EGFL7: variants seen among roughly 807,000 people sequenced by gnomAD.
EGFL7 encodes EGF like domain multiple 7.
EGFL7 carries 48 observed loss-of-function variants against 37.1 expected under a neutral mutation model. The ratio of observed to expected loss-of-function variants is 1.29; its 90% CI spans 1.03 to 1.65. The LOEUF is 1.65. EGFL7 is among the 40% of genes most tolerant of loss of function. EGFL7 has a pLI of 0.00. For synonymous variants in EGFL7, 180 were observed against 156.8 expected (o/e 1.15, Z -1.10); for missense variants, 384 against 378.9 (o/e 1.01, Z -0.11).
intron 9 of EGFL7, among the ~76,000 whole-genome samples, chr9:136,671,276 G>A (rs1485346030): frequency 2.0e-5 from 2 of 97,894 alleles, no homozygotes; most frequent in Admixed American, 9.9e-5. Flanking sequence ...GAGATGAGGC[G>A]TCGGGGGGGG....
At position 136,669,684 on chromosome 9, in the gene EGFL7, G is replaced by A. The variant is rs1399027904; in HGVS notation, c.276G>A (p.Trp92Ter). ...ARPRYACCPG[W>*]KRTSGLPGAC... Reference sequence around the variant, plus strand: ...CTCGCTACGCGTGCTGCCCCGGCTGGAAGAGGACCAGCGGGCTTCCTGGGG... The same window carrying A: ...CTCGCTACGCGTGCTGCCCCGGCTGAAAGAGGACCAGCGGGCTTCCTGGGG... Residue 92 changes from tryptophan (W) to a stop codon, truncating the protein, a stop_gained, in exon 6 of 11, where the codon TGG becomes TGA. Transcript: ENST00000308874. LOFTEE classifies it high-confidence loss of function. 4 of 1,607,246 alleles carry A rather than the reference G, an allele frequency of 2.5e-6. No individual in the cohort carries two copies. Among genetic ancestry groups the A allele is most frequent in the East Asian group, 2.2e-5 (1 of 44,650 alleles).
chr9:136,668,584 CG>C lies in EGFL7; in HGVS notation c.112del (p.Asp38ThrfsTer159), dbSNP rs2119124849. The C allele has an allele frequency of 6.2e-7, 1 of 1,609,102 alleles. No individual in the cohort carries two copies. ...GRRVCAVRAH[G>X]DPVSESFVQR... The stretch of plus-strand genomic sequence containing the variant: ...GTAGGGTGTGTGCTGTCCGGGCTCA[CG>C]GGGACCCTGTCTCCGAGTCGTTCGT... On this transcript the variant is annotated frameshift_variant, in exon 5 of 11. Transcript: ENST00000308874. LOFTEE classifies it high-confidence loss of function.
In EGFL7 at chr9:136,670,269, T is replaced by G; in HGVS notation, c.510T>G (p.Ser170=). Residue 170 remains serine, a synonymous_variant, in exon 8 of 11, where the codon TCT becomes TCG. Transcript: ENST00000308874. ...AGTGTTGGGAGGGGCACAGCCTGTC[T>G]GCAGACGGTACACTCTGTGTGCCCA... ...WCQCWEGHSL[S]ADGTLCVPKG... is the part of the protein sequence containing the mutation. 6.2e-7 allele frequency: 1 copy of G among 1,612,066 alleles called. No homozygotes were observed. The highest frequency in any genetic ancestry group is 8.5e-7 in the Non-Finnish European group (1 of 1,179,570).
upstream of EGFL7, among the ~76,000 whole-genome samples, chr9:136,661,857 G>A (rs1326433884): frequency 6.6e-6 from 1 of 152,214 alleles, no homozygotes; most frequent in Non-Finnish European, 1.5e-5. Flanking sequence ...CCAGGGAAAT[G>A]GGGGTGTCCC....
rs1325425533 is a variant in EGFL7, at chr9:136,666,331, C to G, written c.-43+1546C>G. 6.6e-6 allele frequency among the ~76,000 whole-genome samples: 1 copy of G among 151,752 alleles called. No homozygotes were observed. The highest frequency in any genetic ancestry group is 1.9e-4 in the East Asian group (1 of 5,146). On this transcript the variant is annotated intron_variant, in intron 3 of 10. Transcript: ENST00000308874. The surrounding 1 kb of genome is among the most constrained non-coding windows in gnomAD (Gnocchi z 6.8). Reference sequence around the variant, plus strand: ...GCCTGCGGCGCAGCCAGGCCCCTCCCTCTGCGGACCCGGCCTCTCGCGGGT... The same window carrying G: ...GCCTGCGGCGCAGCCAGGCCCCTCCGTCTGCGGACCCGGCCTCTCGCGGGT...
At chr9:136,668,991 C>A (rs911128329) in intron 5 of EGFL7, among the ~76,000 whole-genome samples, 1 of 152,166 alleles carries the variant, frequency 6.6e-6, no homozygotes, top group Non-Finnish European at 1.5e-5. Context: ...CCCCTCCCTA[C>A]CCTGGCATCC....
At chr9:136,659,906 C>T (rs1376689634), upstream of EGFL7, among the ~76,000 whole-genome samples, 1 of 152,202 alleles carries the variant, frequency 6.6e-6, no homozygotes, top group Non-Finnish European at 1.5e-5. Context: ...CACCAGGTCT[C>T]CCCCTCTGTG....
intron 5 of EGFL7, 89 bp downstream of exon 5, chr9:136,668,762 C>G: frequency 1.7e-6 from 2 of 1,173,162 alleles, no homozygotes; most frequent in Non-Finnish European, 2.5e-6. Flanking sequence ...GGGGGTGAAT[C>G]CTGGGACCCA....
Position 136,672,248 on chromosome 9 carries a change from C to A in EGFL7, c.800-16C>A, listed in dbSNP as rs1182904214. The A allele has an allele frequency of 6.2e-7, 1 of 1,613,406 alleles. No homozygotes were observed. Among genetic ancestry groups the A allele is most frequent in the Admixed American group, 1.7e-5 (1 of 60,018 alleles). ...GGGGAGCAGTGATCTCTGACCTTCG[C>A]CTCATCCAACCCTAGGCTCCTGCAA... On this transcript the variant is annotated splice_polypyrimidine_tract_variant and intron_variant, in intron 10 of 10. Transcript: ENST00000308874.
chr9:136,668,121 T>G, intron 3 of EGFL7, 120 bp from the exon 4 acceptor site: 1 of 606,538 alleles, frequency 1.6e-6, no homozygotes, highest in Non-Finnish European at 2.9e-6. Flanking sequence ...CGTGGGGCTG[T>G]CCCACCGGTG....
chr9:136,661,998 T>C (rs900442221), upstream of EGFL7, among the ~76,000 whole-genome samples: 1 of 152,120 alleles, frequency 6.6e-6, no homozygotes, highest in Non-Finnish European at 1.5e-5. Context: ...TTCGGCACCG[T>C]GTCCCCTCCC....
chr9:136,668,348 C>T lies in EGFL7; in HGVS notation c.66C>T (p.His22=), dbSNP rs112590839. The change falls in exon 4 of 11, where the codon CAC becomes CAT. Residue 22 remains histidine, a synonymous_variant. Coordinates refer to ENST00000308874, the MANE Select transcript of EGFL7 (RefSeq NM_016215.5). The part of the protein sequence containing the change: ...LLVLAVGGTE[H]AYRPGRRVCA... ...TGTTGGCAGTGGGCGGCACAGAGCA[C>T]GCCTACCGGCCCGGGTGAGCCAAGC... The T allele has an allele frequency of 1.5e-4, 248 of 1,601,690 alleles. 1 individual carries two copies. In the African/African-American group the frequency reaches 2.2e-3, roughly 14 times the overall value.
rs1845821681 is a variant in EGFL7 at position 136,670,999 on chromosome 9, G to A, written c.621G>A (p.Val207=). 6.7e-7 allele frequency: 1 copy of A among 1,482,258 alleles called. No individual in the cohort carries two copies. The highest frequency in any genetic ancestry group is 9.2e-7 in the Non-Finnish European group (1 of 1,091,638). The allele number at this position is 1,482,258 out of a possible 1,614,324, so 91.8% of individuals were successfully genotyped here. Residue 207 remains valine, a synonymous_variant, in exon 9 of 11, where the codon GTG becomes GTA. Coordinates refer to ENST00000308874, the MANE Select transcript of EGFL7 (RefSeq NM_016215.5). The stretch of plus-strand genomic sequence containing the variant: ...AAGTGCAGAGGCTGCAGTCCAGGGT[G>A]GACCTGCTGGAGGAGGTGAGGCATT... ...KEEVQRLQSR[V]DLLEEKLQLV...
intron 3 of EGFL7, among the ~76,000 whole-genome samples, chr9:136,665,121 CTG>C (rs757680411): frequency 1.6e-4 from 24 of 152,232 alleles, no homozygotes; most frequent in Non-Finnish European, 2.8e-4. Context: ...ATGGCCCTGA[CTG>C]TGCTGAACTC....
At chr9:136,669,489 A>C in intron 5 of EGFL7, 117 bp from the exon 6 acceptor site, 1 of 711,744 alleles carries the variant, frequency 1.4e-6, no homozygotes, top group Non-Finnish European at 2.4e-6. Flanking sequence ...CTTGAGGAGA[A>C]GACCCTTGGG....
chr9:136,672,278 G>C lies in EGFL7; in HGVS notation c.814G>C (p.Asp272His). Residue 272 changes from aspartate (D) to histidine (H), a missense_variant, in exon 11 of 11, where the codon GAC (aspartate) becomes CAC (histidine). Transcript: ENST00000308874. ...EQLGSCSCKK[D>H]S Reference sequence around the variant, plus strand: ...TCCAACCCTAGGCTCCTGCAAGAAAGACTCGTGACTGCCCAGCGCCCCAGG... The same window carrying C: ...TCCAACCCTAGGCTCCTGCAAGAAACACTCGTGACTGCCCAGCGCCCCAGG... The C allele has an allele frequency of 6.2e-7, 1 of 1,613,370 alleles. No homozygotes were observed. The highest frequency in any genetic ancestry group is 8.5e-7 in the Non-Finnish European group (1 of 1,179,936).
chr9:136,671,991 G>A lies in EGFL7; in HGVS notation c.702G>A (p.Pro234=), dbSNP rs1031031861. ...CGCAGGCACTGGAGCATGGGCTCCC[G>A]GACCCCGGCAGCCTCCTGGTGCACT... ...LASQALEHGL[P]DPGSLLVHSF... Residue 234 remains proline, a synonymous_variant, in exon 10 of 11, where the codon CCG becomes CCA. Coordinates refer to ENST00000308874, the MANE Select transcript of EGFL7 (RefSeq NM_016215.5). The A allele has an allele frequency of 3.3e-5, 51 of 1,542,680 alleles. No individual in the cohort carries two copies. Among genetic ancestry groups the A allele is most frequent in the African/African-American group, 6.8e-5 (5 of 73,012 alleles).
intron 3 of EGFL7, among the ~76,000 whole-genome samples, chr9:136,665,141 A>T (rs1173010271): frequency 6.6e-6 from 1 of 152,174 alleles, no homozygotes; most frequent in East Asian, 1.9e-4. Flanking sequence ...CTCAGCAGTG[A>T]CCCAGTGACC....
chr9:136,670,212 C>A lies in EGFL7; in HGVS notation c.453C>A (p.Arg151=). ...CTAGGAGGGGCGGCTGTCCCCAGCG[C>A]TGCGTCAACACCGCCGGCAGTTACT... is the stretch of plus-strand genomic sequence containing the variant. ...CSARRGGCPQ[R]CVNTAGSYWC... is the part of the protein sequence containing the mutation. The change falls in exon 8 of 11, where the codon CGC becomes CGA. Residue 151 remains arginine, a synonymous_variant. Transcript: ENST00000308874. The A allele has an allele frequency of 6.2e-7, 1 of 1,612,602 alleles. No homozygotes were observed.
Sources: allele counts gnomAD v4.1 joint callset (sites outside exome capture counted in the v4.1 genomes callset), GRCh38; gene constraint gnomAD v4.1.1; non-coding constraint Gnocchi (gnomAD v3.1); transcripts MANE v1.5; gene names NCBI Gene and HGNC (gene_info 2026-07-23, HGNC 2026-07-21).